The following R3HDM1 variants were observed in gnomAD, a reference collection of about 807,000 sequenced individuals.
The protein encoded by R3HDM1 is R3H domain-containing protein 1.
R3HDM1 carries 46 observed loss-of-function variants against 141.1 expected under a neutral mutation model. The ratio of observed to expected loss-of-function variants is 0.33; its 90% CI spans 0.26 to 0.42. The LOEUF (loss-of-function observed/expected upper bound fraction) is 0.42. R3HDM1 is among the 10% of genes least tolerant of loss of function. R3HDM1 has a pLI of 1.00. For missense variants in R3HDM1, 1,184 were observed against 1,368.3 expected (o/e 0.87, Z 2.12); for synonymous variants, 435 against 472.9 (o/e 0.92, Z 1.04).
intron 1 of R3HDM1, chr2:135,596,968 C>T: frequency 1.1e-6 from 1 of 942,498 alleles, no homozygotes; most frequent in Non-Finnish European, 1.3e-6. Flanking sequence ...CATTTGATAG[C>T]ACAAATTGTT....
rs751759856 is a variant in R3HDM1, at chr2:135,638,967, C to T, written c.1064C>T (p.Ser355Leu). Reference protein sequence around the residue: ...QSSTENELKYSEPRPWSSTDS... With the variant: ...QSSTENELKYLEPRPWSSTDS... ...AGCACTGAGAATGAGTTGAAGTACT[C>T]GGAACCACGACCCTGGAGCAGCACA... is the stretch of plus-strand genomic sequence containing the variant. The change falls in exon 14 of 27, where the codon TCG (serine) becomes TTG (leucine). Residue 355 changes from serine to leucine, a missense_variant. Physicochemically the swap from Ser to Leu is moderately radical, Grantham distance 145. Around this residue, in one of 5 missense-constraint regions of R3HDM1, gnomAD observed 240 missense variants for 312.3 expected, o/e 0.77. Coordinates refer to ENST00000683871, the MANE Select transcript of R3HDM1 (RefSeq NM_001378107.1). 7.4e-6 allele frequency: 12 copies of T among 1,613,998 alleles called. No homozygotes were observed. Among genetic ancestry groups the T allele is most frequent in the Non-Finnish European group, 1.0e-5 (12 of 1,180,028 alleles).
intron 24 of R3HDM1, among the ~76,000 whole-genome samples, chr2:135,719,869 G>A (rs922432923): frequency 1.3e-5 from 2 of 150,460 alleles, no homozygotes; most frequent in Admixed American, 6.6e-5. Flanking sequence ...GTTTCGAGAC[G>A]GAGTCTCGCC....
chr2:135,575,730 A>C (rs16831835), intron 1 of R3HDM1, among the ~76,000 whole-genome samples: 1 of 152,060 alleles, frequency 6.6e-6, no homozygotes, highest in Non-Finnish European at 1.5e-5. Flanking sequence ...AATGTACAAA[A>C]CCTACAGGAA....
At chr2:135,617,183 C>T (rs1034697862) in intron 5 of R3HDM1, among the ~76,000 whole-genome samples, 8 of 151,938 alleles carry the variant, frequency 5.3e-5, no homozygotes, top group East Asian at 1.9e-4. Context: ...AAAAATTAGC[C>T]GGGCATGGTG....
chr2:135,711,138 G>C (rs2075578637), intron 23 of R3HDM1, among the ~76,000 whole-genome samples: 2 of 152,156 alleles, frequency 1.3e-5, no homozygotes, highest in Admixed American at 6.5e-5. Flanking sequence ...ACCGAAATTT[G>C]AATCTATTCA....
intron 1 of R3HDM1, among the ~76,000 whole-genome samples, chr2:135,600,408 A>G (rs2059533919): frequency 6.6e-6 from 1 of 152,164 alleles, no homozygotes; most frequent in East Asian, 1.9e-4. Flanking sequence ...CTGCTGATCT[A>G]AAGGGATTCT....
rs2073945855 is a variant in R3HDM1 at position 135,699,600 on chromosome 2, G to A, written c.2460-9833G>A. On this transcript the variant is annotated intron_variant, in intron 21 of 26. Coordinates refer to ENST00000683871, the MANE Select transcript of R3HDM1 (RefSeq NM_001378107.1). ...TTGCTTTGCTTTTCTCAGTGAATTAGTCAAGATATCAAGTACATTATCAGA... is the reference window on the plus strand; with the variant it reads ...TTGCTTTGCTTTTCTCAGTGAATTAATCAAGATATCAAGTACATTATCAGA... Among the ~76,000 whole-genome samples, 3 of 152,198 alleles carry A rather than the reference G, an allele frequency of 2.0e-5. No homozygotes were observed. In the South Asian group the frequency reaches 6.2e-4, roughly 31 times the overall value.
chr2:135,603,519 C>G (rs1346553681), intron 2 of R3HDM1, among the ~76,000 whole-genome samples: 1 of 152,180 alleles, frequency 6.6e-6, no homozygotes, highest in African/African-American at 2.4e-5. Flanking sequence ...CTATATCTGT[C>G]TATCCCTCTA....
intron 7 of R3HDM1, among the ~76,000 whole-genome samples, chr2:135,630,050 A>T (rs1379808236): frequency 6.6e-6 from 1 of 150,824 alleles, no homozygotes; most frequent in Non-Finnish European, 1.5e-5. Flanking sequence ...TTGAAAAAGG[A>T]TGATTTAAAA....
chr2:135,572,575 A>T (rs569484793), intron 1 of R3HDM1, among the ~76,000 whole-genome samples: 9 of 152,254 alleles, frequency 5.9e-5, no homozygotes, highest in South Asian at 2.1e-4. Context: ...GAACCGTCCT[A>T]CATTGCTCTT....
At chr2:135,541,079 A>C (rs993375700) in intron 1 of R3HDM1, among the ~76,000 whole-genome samples, 9 of 152,180 alleles carry the variant, frequency 5.9e-5, no homozygotes, top group African/African-American at 1.9e-4. Context: ...ATGTGCTGTC[A>C]TCCAGGCTTT....
intron 21 of R3HDM1, among the ~76,000 whole-genome samples, chr2:135,684,318 T>C (rs1172529012): frequency 6.6e-6 from 1 of 152,184 alleles, no homozygotes; most frequent in Non-Finnish European, 1.5e-5. Flanking sequence ...CTCAATCTCC[T>C]GACCTCGTGA....
chr2:135,681,380 G>C (rs60650595), intron 21 of R3HDM1, among the ~76,000 whole-genome samples: 25,439 of 152,052 alleles, frequency 0.17, 2,819 homozygotes, highest in South Asian at 0.32. Context: ...AGGGCTTGTG[G>C]GTACTTAATT....
intron 9 of R3HDM1, among the ~76,000 whole-genome samples, chr2:135,633,117 T>A (rs937900449): frequency 4.6e-5 from 7 of 152,220 alleles, no homozygotes; most frequent in African/African-American, 1.7e-4. Context: ...TCTTTTCTTC[T>A]TATAGGGATT....
intron 11 of R3HDM1, among the ~76,000 whole-genome samples, chr2:135,636,486 A>T (rs1406086646): frequency 6.6e-6 from 1 of 152,146 alleles, no homozygotes; most frequent in African/African-American, 2.4e-5. Flanking sequence ...CTTGTGACAG[A>T]CTTGAGATTT....
intron 19 of R3HDM1, among the ~76,000 whole-genome samples, chr2:135,674,942 T>G (rs577340544): frequency 3.0e-4 from 46 of 152,050 alleles, no homozygotes; most frequent in Admixed American, 5.2e-4. Context: ...GTTGTTGTTT[T>G]TTTTTTTTTT....
chr2:135,600,858 T>G (rs941543570), intron 1 of R3HDM1, among the ~76,000 whole-genome samples: 6 of 152,162 alleles, frequency 3.9e-5, no homozygotes, highest in African/African-American at 1.4e-4. Flanking sequence ...GACTAGGTGG[T>G]CTCTCAGGTT....
chr2:135,701,477 A>G (rs2074198575), intron 21 of R3HDM1, among the ~76,000 whole-genome samples: 1 of 152,206 alleles, frequency 6.6e-6, no homozygotes. Context: ...TGAGATGATG[A>G]AATGCATATG....
chr2:135,636,790 T>TAAA (rs150234601), intron 11 of R3HDM1, among the ~76,000 whole-genome samples: 1 of 134,328 alleles, frequency 7.4e-6, no homozygotes, highest in Non-Finnish European at 1.6e-5. Flanking sequence ...TCCTCTGTGT[T>TAAA]AAAAAAAAAA....
Sources: allele counts gnomAD v4.1 joint callset (sites outside exome capture counted in the v4.1 genomes callset), GRCh38; gene constraint gnomAD v4.1.1; regional missense constraint gnomAD v4.1.1; transcripts MANE v1.5; gene names NCBI Gene and HGNC (gene_info 2026-07-23, HGNC 2026-07-21).